Variants in CEP57L1 observed in about 807,000 individuals in gnomAD.
The protein encoded by CEP57L1 is centrosomal protein CEP57L1.
Under a neutral mutation model 61.0 loss-of-function variants are expected in CEP57L1, and 37 were observed. The observed-to-expected ratio is 0.61, with a 90% CI of 0.47 to 0.80. CEP57L1 has a LOEUF of 0.80. Ranked by LOEUF, CEP57L1 falls within the 30% of genes least tolerant of loss-of-function variation. The pLI, the probability that CEP57L1 is intolerant of heterozygous loss-of-function variation, is 0.00. For missense variants in CEP57L1, 422 were observed against 524.7 expected, an observed-to-expected ratio of 0.80 and a Z score of 1.91; for synonymous variants, 137 against 162.3, an observed-to-expected ratio of 0.84 and a Z score of 1.19.
chr6:109,138,047 A>G (rs1246916675), intron 1 of CEP57L1, among the ~76,000 whole-genome samples: 1 of 152,178 alleles, frequency 6.6e-6, no homozygotes, highest in Non-Finnish European at 1.5e-5. Context: ...AGCATGTTTG[A>G]CTATTACAGA....
chr6:109,121,111 G>A (rs1335393516), intron 1 of CEP57L1, among the ~76,000 whole-genome samples: 23 of 152,154 alleles, frequency 1.5e-4, no homozygotes, highest in Admixed American at 1.5e-3. Context: ...AAGGACTCTT[G>A]AGGACCTTCA....
chr6:109,095,491 C>T, upstream of CEP57L1: 2 of 985,820 alleles, frequency 2.0e-6, no homozygotes, highest in African/African-American at 1.7e-5. Flanking sequence ...AAACTACAAC[C>T]CCCAGGGGCC....
At chr6:109,132,637 A>G (rs1196497236) in intron 1 of CEP57L1, among the ~76,000 whole-genome samples, 2 of 152,204 alleles carry the variant, frequency 1.3e-5, no homozygotes, top group Admixed American at 6.5e-5. Context: ...ATCTATCTGT[A>G]TGTATATATG....
chr6:109,149,655 G>A (rs1399194135), intron 3 of CEP57L1, among the ~76,000 whole-genome samples: 2 of 152,066 alleles, frequency 1.3e-5, no homozygotes, highest in African/African-American at 4.8e-5. Flanking sequence ...ATTCTGTGAA[G>A]AAAGTCATTG....
rs138399310 is a variant in CEP57L1 at position 109,142,511 on chromosome 6, A to C, written c.-3-2708A>C. On this transcript the variant is annotated intron_variant, in intron 1 of 10. Coordinates refer to ENST00000517392, the MANE Select transcript of CEP57L1 (RefSeq NM_001271852.3). ...ACGAGTCAATAGGTGCAGCAAACTA[A>C]TATGGCACATGTATACCTATGTAAC... 7.9e-3 allele frequency among the ~76,000 whole-genome samples: 1,201 copies of C among 152,194 alleles called. 18 individuals are homozygous for C. The highest frequency in any genetic ancestry group is 0.028 in the African/African-American group (1,152 of 41,496).
intron 1 of CEP57L1, among the ~76,000 whole-genome samples, chr6:109,125,334 T>C (rs1773422416): frequency 6.6e-6 from 1 of 151,958 alleles, no homozygotes; most frequent in Non-Finnish European, 1.5e-5. Flanking sequence ...TATTTATCAT[T>C]GTCCAATAGC....
At chr6:109,140,245 A>T (rs962667930) in intron 1 of CEP57L1, among the ~76,000 whole-genome samples, 1 of 151,898 alleles carries the variant, frequency 6.6e-6, no homozygotes. Flanking sequence ...AGCACTTGCC[A>T]CTTGTCATTT....
At chr6:109,106,984 A>T (rs1771015176) in intron 1 of CEP57L1, among the ~76,000 whole-genome samples, 2 of 152,232 alleles carry the variant, frequency 1.3e-5, no homozygotes, top group Admixed American at 1.3e-4. Flanking sequence ...ACATGTACGT[A>T]TAAAAGATAA....
rs1255961718 is a variant in CEP57L1, at chr6:109,170,689, A to G, written c.*7719A>G. 6.6e-6 allele frequency among the ~76,000 whole-genome samples: 1 copy of G among 152,240 alleles called. No individual in the cohort carries two copies. The highest frequency in any genetic ancestry group is 2.4e-5 in the African/African-American group (1 of 41,466). On this transcript the variant is annotated 3_prime_UTR_variant, in exon 11 of 11. Coordinates refer to ENST00000517392, the MANE Select transcript of CEP57L1 (RefSeq NM_001271852.3). ...ATTAAATTTTAAAAAGCTCTCGAGA[A>G]GTCTGTGGAACATTTATGGTTTTAT...
intron 1 of CEP57L1, among the ~76,000 whole-genome samples, chr6:109,120,910 A>C (rs1391663061): frequency 1.1e-5 from 1 of 87,632 alleles, no homozygotes; most frequent in Non-Finnish European, 2.2e-5. Flanking sequence ...ACTTAGACAC[A>C]CGCACACACA....
chr6:109,157,574 G>A (rs1773331635), intron 7 of CEP57L1: 2 of 152,060 alleles, frequency 1.3e-5, no homozygotes, highest in Admixed American at 6.6e-5. Context: ...CTGAGATGAG[G>A]AAAAATGTGT....
chr6:109,141,804 A>G (rs1010077240), intron 1 of CEP57L1, among the ~76,000 whole-genome samples: 1 of 152,194 alleles, frequency 6.6e-6, no homozygotes, highest in Non-Finnish European at 1.5e-5. Flanking sequence ...TTTGCTCTTA[A>G]GGTAAGTTAG....
At chr6:109,156,032 G>A in intron 7 of CEP57L1, 155 bp downstream of exon 7, 12 of 463,398 alleles carry the variant, frequency 2.6e-5, no homozygotes, top group South Asian at 7.1e-5. Context: ...GATGGTTTGG[G>A]GTATAAGGAC....
rs142623420 is a variant in CEP57L1 at position 109,143,164 on chromosome 6, ACTCT to A, written c.-3-2048_-3-2045del. Among the ~76,000 whole-genome samples, 1,193 of 151,932 alleles carry A rather than the reference ACTCT, an allele frequency of 7.9e-3. 18 individuals carry two copies. Among genetic ancestry groups the A allele is most frequent in the African/African-American group, 0.028 (1,144 of 41,424 alleles). On this transcript the variant is annotated intron_variant, in intron 1 of 10. Coordinates refer to ENST00000517392, the MANE Select transcript of CEP57L1 (RefSeq NM_001271852.3). Reference sequence around the variant, plus strand: ...GAAACATTTCTCAGTTTTTATTTAAACTCTCTCTCTTTTTAGAACCCACATATGA... The same window carrying A: ...GAAACATTTCTCAGTTTTTATTTAAACTCTCTTTTTAGAACCCACATATGA...
intron 4 of CEP57L1, among the ~76,000 whole-genome samples, chr6:109,151,139 A>G (rs1772570050): frequency 6.6e-6 from 1 of 152,248 alleles, no homozygotes; most frequent in Admixed American, 6.5e-5. Flanking sequence ...AAAGTAGTTT[A>G]AAGTGTTCTA....
At position 109,165,092 on chromosome 6, in the gene CEP57L1, A is replaced by C. The variant is rs1249328475; in HGVS notation, c.*2122A>C. Among the ~76,000 whole-genome samples the C allele has an allele frequency of 6.6e-6, 1 of 151,654 alleles. No homozygotes were observed. Among genetic ancestry groups the C allele is most frequent in the Non-Finnish European group, 1.5e-5 (1 of 68,002 alleles). On this transcript the variant is annotated 3_prime_UTR_variant, in exon 11 of 11. Transcript: ENST00000517392. ...ACTCTGTCTCAAAAAAAAAAAAAAA[A>C]ATTAAAACCATTTTAGGAACATGGA...
At chr6:109,118,046 T>C (rs898711326) in intron 1 of CEP57L1, among the ~76,000 whole-genome samples, 2 of 152,256 alleles carry the variant, frequency 1.3e-5, no homozygotes, top group African/African-American at 4.8e-5. Context: ...GTTGTTGTTG[T>C]TGTTTTTGAG....
At chr6:109,102,669 T>A (rs1025422472) in intron 1 of CEP57L1, among the ~76,000 whole-genome samples, 3 of 152,150 alleles carry the variant, frequency 2.0e-5, no homozygotes, top group African/African-American at 7.2e-5. Flanking sequence ...TTGTAAAAGG[T>A]ATAAGGTCTG....
At position 109,121,054 on chromosome 6, in the gene CEP57L1, G is replaced by A. The variant is rs1360033153; in HGVS notation, c.-3-24165G>A. ...TGGGGTGTGGCAAGGATGAGAGTCA[G>A]ATTAGAATTTTTATATCATTTGCTC... On this transcript the variant is annotated intron_variant, in intron 1 of 10. Coordinates refer to ENST00000517392, the MANE Select transcript of CEP57L1 (RefSeq NM_001271852.3). 2.0e-5 allele frequency among the ~76,000 whole-genome samples: 3 copies of A among 152,108 alleles called. No individual in the cohort carries two copies. The East Asian group carries it at 5.8e-4, about 29-fold the overall frequency.
Sources: gnomAD v4.1 joint callset for allele counts (sites outside exome capture counted in the v4.1 genomes callset) on GRCh38, gnomAD v4.1.1 for gene constraint, MANE v1.5 for transcripts, NCBI Gene and HGNC (gene_info 2026-07-23, HGNC 2026-07-21) for gene names.